PCDHA3: variants seen among roughly 807,000 people sequenced by gnomAD.
PCDHA3 encodes protocadherin alpha-3.
Under a neutral mutation model 62.2 loss-of-function variants are expected in PCDHA3, and 41 were observed. The ratio of observed to expected loss-of-function variants is 0.66; its 90% CI spans 0.51 to 0.86. PCDHA3 has a LOEUF of 0.86. PCDHA3 is among the 40% of genes least tolerant of loss of function. The pLI, the probability that PCDHA3 is intolerant of heterozygous loss-of-function variation, is 0.00. For missense variants in PCDHA3, 1,304 were observed against 1,241.2 expected (o/e 1.05, Z -0.76); for synonymous variants, 640 against 555.4 (o/e 1.15, Z -2.14).
chr5:140,803,111 C>T lies in PCDHA3; in HGVS notation c.1914C>T (p.Asp638=). The T allele has an allele frequency of 6.2e-7, 1 of 1,613,808 alleles. No homozygotes were observed. The highest frequency in any genetic ancestry group is 8.5e-7 in the Non-Finnish European group (1 of 1,179,934). Residue 638 remains aspartate (D), a synonymous_variant, in exon 1 of 4, where the codon GAC becomes GAT. Transcript: ENST00000522353. ...TGEISTTRAL[D]EVDAPRHRLL... ...AGATCAGCACGACCCGTGCCCTGGA[C>T]GAGGTGGACGCCCCGCGCCATCGCC...
rs1763244716 is a variant in PCDHA3 at position 140,803,596 on chromosome 5, G to A, written c.2394+5G>A. ...GACGTTGATCTCTCAGCCAAAGTGA[G>A]TAATTTTTATTTATTCTTTCCAAAA... is the stretch of plus-strand genomic sequence containing the variant. On this transcript the variant is annotated splice_donor_5th_base_variant and intron_variant, in intron 1 of 3. Transcript: ENST00000522353. 1.2e-6 allele frequency: 2 copies of A among 1,614,106 alleles called. No homozygotes were observed. Among genetic ancestry groups the A allele is most frequent in the Admixed American group, 1.7e-5 (1 of 60,022 alleles).
At position 140,804,926 on chromosome 5, in the gene PCDHA3, A is replaced by G. The variant is rs1763480096; in HGVS notation, c.2394+1335A>G. 5.8e-6 allele frequency: 6 copies of G among 1,032,312 alleles called. No homozygotes were observed. In the East Asian group the frequency reaches 1.8e-4, roughly 30 times the overall value. 63.9% of individuals were successfully genotyped at this position (1,032,312 alleles called of 1,614,324 possible). A position where few individuals can be genotyped will look rare whatever the true frequency, so the allele number is the denominator to read the frequency against. On this transcript the variant is annotated intron_variant, in intron 1 of 3. Transcript: ENST00000522353. Reference sequence around the variant, plus strand: ...CATTTTCTTTATTTCCTTTTTTGGCACTATCCTTTGTTGCTCCCTTGTCCA... The same window carrying G: ...CATTTTCTTTATTTCCTTTTTTGGCGCTATCCTTTGTTGCTCCCTTGTCCA...
chr5:140,978,887 A>T, intron 1 of PCDHA3, 62 bp from the exon 2 acceptor site: 1 of 1,611,648 alleles, frequency 6.2e-7, no homozygotes, highest in Non-Finnish European at 8.5e-7. Context: ...ATCAATTAGC[A>T]GCATTCCTGG....
At chr5:140,816,634 C>A (rs1274494643) in intron 1 of PCDHA3, 7 of 152,054 alleles carry the variant, frequency 4.6e-5, no homozygotes, top group African/African-American at 1.7e-4. Context: ...AACAACAACA[C>A]ACCAGCTACC....
chr5:140,868,967 AC>A, intron 1 of PCDHA3: 1 of 1,435,870 alleles, frequency 7.0e-7, no homozygotes, highest in African/African-American at 1.4e-5. Context: ...ATACAAAGGA[AC>A]TCCATCATAC....
At chr5:140,871,564 C>A (rs782409405) in intron 1 of PCDHA3, 7 of 1,482,594 alleles carry the variant, frequency 4.7e-6, no homozygotes, top group Non-Finnish European at 6.3e-6. Context: ...TTTTTTTTCA[C>A]GGATTTTTTA....
chr5:140,806,863 G>A, intron 1 of PCDHA3: 1 of 354,482 alleles, frequency 2.8e-6, no homozygotes, highest in Non-Finnish European at 5.1e-6. Flanking sequence ...GTGGTACAAT[G>A]TGTACCACAG....
At chr5:140,822,419 A>T (rs2150116239) in intron 1 of PCDHA3, 14 of 1,614,096 alleles carry the variant, frequency 8.7e-6, no homozygotes, top group East Asian at 2.2e-5. Flanking sequence ...ATTGCAACTG[A>T]TGGAGGAAAA....
chr5:140,808,975 G>A lies in PCDHA3; in HGVS notation c.2394+5384G>A, dbSNP rs1764322859. 1.9e-6 allele frequency: 3 copies of A among 1,613,626 alleles called. No homozygotes were observed. The East Asian group carries it at 6.7e-5, about 36-fold the overall frequency. The stretch of plus-strand genomic sequence containing the variant: ...GCCACGTGGTGGCAAAGGTGCGCGC[G>A]GTGGATGCTGACTCGGGCTACAACG... On this transcript the variant is annotated intron_variant, in intron 1 of 3. Transcript: ENST00000522353.
chr5:140,990,562 C>T (rs2097400496), intron 3 of PCDHA3, among the ~76,000 whole-genome samples: 1 of 152,210 alleles, frequency 6.6e-6, no homozygotes, highest in Non-Finnish European at 1.5e-5. Context: ...CAAGAACACA[C>T]ACCTGTTCGA....
At chr5:140,909,451 G>T (rs1433382775) in intron 1 of PCDHA3, among the ~76,000 whole-genome samples, 1 of 152,216 alleles carries the variant, frequency 6.6e-6, no homozygotes, top group African/African-American at 2.4e-5. Flanking sequence ...CATTCTCCAA[G>T]ATCCATCTGT....
At chr5:140,973,665 T>G (rs1309458037) in intron 1 of PCDHA3, among the ~76,000 whole-genome samples, 1 of 152,248 alleles carries the variant, frequency 6.6e-6, no homozygotes, top group African/African-American at 2.4e-5. Context: ...CTATTTATTG[T>G]AGCTTGAATG....
chr5:140,809,445 A>G (rs782301046), intron 1 of PCDHA3: 8 of 1,614,234 alleles, frequency 5.0e-6, no homozygotes, highest in Non-Finnish European at 6.8e-6. Flanking sequence ...TACTCGCAGC[A>G]GAGGAGGCCG....
intron 1 of PCDHA3, among the ~76,000 whole-genome samples, chr5:140,886,962 G>A (rs1017446014): frequency 6.6e-6 from 1 of 151,842 alleles, no homozygotes; most frequent in African/African-American, 2.4e-5. Context: ...ATTTAGCAAC[G>A]AAATTTATTA....
At chr5:140,897,356 CCA>C (rs2066046729) in intron 1 of PCDHA3, among the ~76,000 whole-genome samples, 1 of 134,770 alleles carries the variant, frequency 7.4e-6, no homozygotes, top group South Asian at 2.4e-4. Context: ...ACAACTGTCC[CCA>C]GAGTGTGATG....
At chr5:140,812,997 A>G (rs1020894266) in intron 1 of PCDHA3, 2 of 152,210 alleles carry the variant, frequency 1.3e-5, no homozygotes, top group Non-Finnish European at 2.9e-5. Flanking sequence ...CTGTGGTCAG[A>G]AAAGATATTT....
Position 140,823,723 on chromosome 5 carries a change from G to A in PCDHA3, c.2394+20132G>A, listed in dbSNP as rs140011920. 3 of 1,613,814 alleles carry A rather than the reference G, an allele frequency of 1.9e-6. No individual in the cohort carries two copies. In the African/African-American group the frequency reaches 4.0e-5, roughly 22 times the overall value. ...ACCGCGCCACCGCCTTCTGGTGCTG[G>A]TGAAGGACCATGGAGAGCCCCCGCT... On this transcript the variant is annotated intron_variant, in intron 1 of 3. Coordinates refer to ENST00000522353, the MANE Select transcript of PCDHA3 (RefSeq NM_018906.3).
intron 1 of PCDHA3, chr5:140,883,531 T>C (rs782406173): frequency 6.8e-6 from 11 of 1,614,092 alleles, no homozygotes; most frequent in Middle Eastern, 1.6e-4. Flanking sequence ...TATCAGCCTA[T>C]GAACTGGTGG....
rs1347683940 is a variant in PCDHA3 at position 140,847,266 on chromosome 5, A to C, written c.2394+43675A>C. ...CAAAATAAATCACGACTTTTGAAAG[A>C]AGGTTGAACGGGAAGACAAACTCAG... is the stretch of plus-strand genomic sequence containing the variant. On this transcript the variant is annotated intron_variant, in intron 1 of 3. Coordinates refer to ENST00000522353, the MANE Select transcript of PCDHA3 (RefSeq NM_018906.3). Among the ~76,000 whole-genome samples the C allele has an allele frequency of 6.0e-5, 9 of 149,874 alleles. 2 individuals carry two copies. Among genetic ancestry groups the C allele is most frequent in the African/African-American group, 2.2e-4 (9 of 40,946 alleles).
Sources: allele counts gnomAD v4.1 joint callset (sites outside exome capture counted in the v4.1 genomes callset), GRCh38; gene constraint gnomAD v4.1.1; transcripts MANE v1.5; gene names NCBI Gene and HGNC (gene_info 2026-07-23, HGNC 2026-07-21).